ZMIZ1: variants seen among roughly 807,000 people sequenced by gnomAD.
ZMIZ1 encodes the protein zinc finger MIZ-type containing 1, also known as zinc finger MIZ domain-containing protein 1.
ZMIZ1 carries 17 observed loss-of-function variants against 113.9 expected under a neutral mutation model. That is an observed-to-expected ratio of 0.15 (90% CI 0.10 to 0.22). ZMIZ1 has a LOEUF of 0.22. Ranked by LOEUF, ZMIZ1 falls within the 10% of genes least tolerant of loss-of-function variation. The pLI, the probability that ZMIZ1 is intolerant of heterozygous loss-of-function variation, is 1.00. For missense variants in ZMIZ1, 1,059 were observed against 1,477.8 expected, an observed-to-expected ratio of 0.72 and a Z score of 4.65; for synonymous variants, 607 against 603.1, an observed-to-expected ratio of 1.01 and a Z score of -0.09.
chr10:79,298,280 G>A, intron 14 of ZMIZ1, 126 bp from the exon 15 acceptor site: 2 of 1,082,842 alleles, frequency 1.8e-6, no homozygotes, highest in Non-Finnish European at 2.6e-6. Flanking sequence ...AGTTTCCCTG[G>A]AGGAGGCTCT....
intron 1 of ZMIZ1, among the ~76,000 whole-genome samples, chr10:79,101,623 C>G (rs56719854): frequency 0.29 from 43,851 of 151,988 alleles, 6,606 homozygotes; most frequent in Non-Finnish European, 0.32. Context: ...GGAGGGCCTA[C>G]TTGTGCAGAG....
At chr10:79,123,356 C>T (rs370874002) in intron 2 of ZMIZ1, among the ~76,000 whole-genome samples, 5 of 152,178 alleles carry the variant, frequency 3.3e-5, no homozygotes, top group Non-Finnish European at 7.3e-5. Context: ...GCCCCATTTC[C>T]TCATCTGTAA....
rs932071274 is a variant in ZMIZ1, at chr10:79,314,167, T to C, written c.*1418T>C. On this transcript the variant is annotated 3_prime_UTR_variant, in exon 25 of 25. Coordinates refer to ENST00000334512, the MANE Select transcript of ZMIZ1 (RefSeq NM_020338.4). The stretch of plus-strand genomic sequence containing the variant: ...CCTCCACCGCTTTGCTCCATCTGGC[T>C]TACCACTCTCCAGGGCCTCCTGGGG... The C allele has an allele frequency of 2.2e-6, 1 of 456,950 alleles. No individual in the cohort carries two copies. Among genetic ancestry groups the C allele is most frequent in the African/African-American group, 2.0e-5 (1 of 50,090 alleles). The allele number at this position is 456,950 out of a possible 1,614,324, so 28.3% of individuals were successfully genotyped here. A position where few individuals can be genotyped will look rare whatever the true frequency, so the allele number is the denominator to read the frequency against.
chr10:79,089,694 T>A (rs1287606808), intron 1 of ZMIZ1, among the ~76,000 whole-genome samples: 1 of 152,092 alleles, frequency 6.6e-6, no homozygotes, highest in African/African-American at 2.4e-5. Context: ...TCCGTGAGCA[T>A]GAGCAAGACC....
intron 4 of ZMIZ1, among the ~76,000 whole-genome samples, chr10:79,199,142 G>A (rs568710489): frequency 1.3e-4 from 20 of 152,248 alleles, no homozygotes; most frequent in African/African-American, 4.8e-4. Context: ...AACAGCACCT[G>A]GCAGGGGGCG....
chr10:79,114,506 C>CGTGTGTGTGTGTGTGTGTGT (rs57304757), intron 1 of ZMIZ1, among the ~76,000 whole-genome samples: 3 of 93,192 alleles, frequency 3.2e-5, no homozygotes, highest in African/African-American at 1.4e-4. Context: ...TGTGTGTGTG[C>CGTGTGTGTGTGTGTGTGTGT]GTGTGTGTGT....
chr10:79,287,876 G>C (rs1853187571), intron 8 of ZMIZ1, among the ~76,000 whole-genome samples: 1 of 152,220 alleles, frequency 6.6e-6, no homozygotes, highest in African/African-American at 2.4e-5. Context: ...AGCTGTTCTA[G>C]AGGCAGACAG....
At chr10:79,244,429 G>A (rs1443478312) in intron 7 of ZMIZ1, among the ~76,000 whole-genome samples, 1 of 152,220 alleles carries the variant, frequency 6.6e-6, no homozygotes, top group East Asian at 1.9e-4. Flanking sequence ...TGTGGTTTTG[G>A]TATTGGTGTC....
intron 7 of ZMIZ1, among the ~76,000 whole-genome samples, chr10:79,268,888 A>G (rs1489252976): frequency 1.3e-5 from 2 of 152,208 alleles, no homozygotes; most frequent in Non-Finnish European, 2.9e-5. Context: ...GTCATAATTC[A>G]GAGGAGAACC....
chr10:79,284,376 C>T (rs1852928073), intron 8 of ZMIZ1, among the ~76,000 whole-genome samples: 1 of 152,116 alleles, frequency 6.6e-6, no homozygotes, highest in African/African-American at 2.4e-5. Context: ...TAGAAGTTTG[C>T]TGGCTGGTGA....
At chr10:79,167,751 T>C (rs1167092313) in intron 4 of ZMIZ1, among the ~76,000 whole-genome samples, 2 of 152,146 alleles carry the variant, frequency 1.3e-5, no homozygotes, top group Non-Finnish European at 2.9e-5. Context: ...CCTCCCAGCT[T>C]CCTGACAGTG....
intron 1 of ZMIZ1, among the ~76,000 whole-genome samples, chr10:79,103,268 A>G (rs1843432652): frequency 6.6e-6 from 1 of 151,926 alleles, no homozygotes; most frequent in African/African-American, 2.4e-5. Flanking sequence ...AGCCAGCTGC[A>G]CGGGGCTCGA....
chr10:79,211,163 A>G (rs2132693079), intron 6 of ZMIZ1, among the ~76,000 whole-genome samples: 1 of 152,260 alleles, frequency 6.6e-6, no homozygotes, highest in Non-Finnish European at 1.5e-5. Flanking sequence ...TATTTTCCCT[A>G]GCCACTGTCT....
intron 4 of ZMIZ1, among the ~76,000 whole-genome samples, chr10:79,198,151 C>T (rs1319356024): frequency 3.3e-5 from 5 of 151,974 alleles, no homozygotes; most frequent in African/African-American, 7.3e-5. Context: ...CCCAGCTACT[C>T]GGGAGGCTGA....
At chr10:79,281,424 C>G (rs1404389950) in intron 8 of ZMIZ1, among the ~76,000 whole-genome samples, 1 of 152,112 alleles carries the variant, frequency 6.6e-6, no homozygotes, top group Non-Finnish European at 1.5e-5. Context: ...AGGACTTCGG[C>G]TGGGAGGGGT....
intron 12 of ZMIZ1, chr10:79,293,994 T>A (rs745388573): frequency 7.5e-6 from 3 of 402,282 alleles, no homozygotes; most frequent in Non-Finnish European, 1.4e-5. Flanking sequence ...ACTAACTGGG[T>A]GACCTGGGTT....
At chr10:79,310,385 G>A (rs1175920726) in intron 23 of ZMIZ1, among the ~76,000 whole-genome samples, 4 of 152,202 alleles carry the variant, frequency 2.6e-5, no homozygotes, top group Non-Finnish European at 4.4e-5. Flanking sequence ...CTGGCAGAAG[G>A]CGCCTTCGTA....
chr10:79,070,194 T>C (rs1382413188), intron 1 of ZMIZ1, among the ~76,000 whole-genome samples: 2 of 151,812 alleles, frequency 1.3e-5, no homozygotes, highest in East Asian at 3.9e-4. Context: ...TCCTGGCGTC[T>C]GGGCTGGGGA....
chr10:79,252,357 T>G (rs1263056403), intron 7 of ZMIZ1, among the ~76,000 whole-genome samples: 1 of 152,158 alleles, frequency 6.6e-6, no homozygotes, highest in African/African-American at 2.4e-5. Context: ...GTGACAGCCT[T>G]TGGGATGAAG....
Sources: gnomAD v4.1 joint callset for allele counts (sites outside exome capture counted in the v4.1 genomes callset) on GRCh38, gnomAD v4.1.1 for gene constraint, MANE v1.5 for transcripts, NCBI Gene and HGNC (gene_info 2026-07-23, HGNC 2026-07-21) for gene names.